The following THOC2 variants were observed in gnomAD, a reference collection of about 807,000 sequenced individuals.
THOC2 encodes the protein THO complex 2.
In THOC2, 10 loss-of-function variants were observed where a neutral mutation model predicts 128.4. The observed-to-expected ratio is 0.08, with a 90% confidence interval of 0.05 to 0.13. The LOEUF (loss-of-function observed/expected upper bound fraction) is 0.13. Ranked by LOEUF, THOC2 falls within the 10% of genes least tolerant of loss-of-function variation. The pLI is 1.00. For missense variants in THOC2, 535 were observed against 1,155.7 expected (o/e 0.46, Z 7.79); for synonymous variants, 393 against 396.9 (o/e 0.99, Z 0.12).
intron 9 of THOC2, 64 bp downstream of exon 9, chrX:123,671,605 C>T: frequency 1.4e-6 from 1 of 707,311 alleles, no homozygotes; most frequent in Non-Finnish European, 2.1e-6. Context: ...TATGTGGCTA[C>T]CTACTCCTCT....
chrX:123,723,517 G>A (rs1184634164), intron 1 of THOC2, among the ~76,000 whole-genome samples: 1 of 110,741 alleles, frequency 9.0e-6, no homozygotes, highest in African/African-American at 3.3e-5. Flanking sequence ...CCAAAAACTA[G>A]ACGCAACAAA....
At chrX:123,622,632 C>T (rs1348197199) in intron 30 of THOC2, 126 bp downstream of exon 30, 26 of 423,665 alleles carry the variant, frequency 6.1e-5, no homozygotes, top group Admixed American at 1.4e-4. Context: ...GCAGGTGGAT[C>T]GCTTGAGGCC....
Position 123,668,268 on chromosome X carries a change from A to G in THOC2, c.908T>C (p.Ile303Thr), listed in dbSNP as rs2147807063. 1.7e-6 allele frequency: 2 copies of G among 1,202,814 alleles called. No homozygotes were observed. Among genetic ancestry groups the G allele is most frequent in the South Asian group, 1.8e-5 (1 of 54,848 alleles). Residue 303 changes from isoleucine to threonine, a missense_variant, in exon 10 of 39, where the codon ATT becomes ACT. By Grantham distance (89) the Ile-to-Thr change is moderately conservative. Transcript: ENST00000245838. Reference sequence around the variant, plus strand: ...TCTAACAATTTGCTTAGCTTCCGCAATTTCTCGTTTGTGTTCATCCATAAT... The same window carrying G: ...TCTAACAATTTGCTTAGCTTCCGCAGTTTCTCGTTTGTGTTCATCCATAAT... ...NCIMDEHKRE[I>T]AEAKQIVRKL...
At chrX:123,640,073 G>C (rs2047848818) in intron 16 of THOC2, among the ~76,000 whole-genome samples, 1 of 111,656 alleles carries the variant, frequency 9.0e-6, no homozygotes, top group African/African-American at 3.3e-5. Flanking sequence ...TGTAATCCCA[G>C]CTACTTGGGA....
chrX:123,696,669 C>T (rs936832393), intron 6 of THOC2, 52 bp downstream of exon 6: 52 of 1,132,886 alleles, frequency 4.6e-5, no homozygotes, highest in Admixed American at 2.2e-4. Context: ...AAAATATGAA[C>T]GAAAAAACAT....
chrX:123,649,733 A>G (rs942033681), intron 12 of THOC2, among the ~76,000 whole-genome samples: 2 of 110,951 alleles, frequency 1.8e-5, no homozygotes, highest in Admixed American at 1.9e-4. Context: ...TAATGAAACA[A>G]AATGTGAAGA....
chrX:123,609,749 G>A (rs1239994090), intron 38 of THOC2, among the ~76,000 whole-genome samples: 2 of 111,731 alleles, frequency 1.8e-5, no homozygotes, highest in African/African-American at 3.3e-5. Context: ...AAGCAGAGTC[G>A]GCCAGGCACA....
chrX:123,646,127 C>T (rs1458486485), intron 12 of THOC2, among the ~76,000 whole-genome samples: 3 of 112,023 alleles, frequency 2.7e-5, no homozygotes, highest in Non-Finnish European at 5.6e-5. Context: ...TCTTTTAATT[C>T]ACCACTCCCA....
intron 12 of THOC2, among the ~76,000 whole-genome samples, chrX:123,650,774 T>C (rs748186403): frequency 4.1e-4 from 46 of 112,143 alleles, no homozygotes; most frequent in Non-Finnish European, 7.5e-4. Flanking sequence ...TAAATATATA[T>C]GCGCCCAATA....
intron 12 of THOC2, among the ~76,000 whole-genome samples, chrX:123,656,529 C>T (rs1003019024): frequency 7.3e-5 from 8 of 109,945 alleles, no homozygotes; most frequent in African/African-American, 2.3e-4. Context: ...GCCAACATGG[C>T]GAAACCCCGT....
rs747491206 is a variant in THOC2 at position 123,713,396 on chromosome X, A to G, written c.72-488T>C. ...AGGCTGAGGCAAGAGAATTGCTTGA[A>G]CCCAGGAGGCAGAGGTTGCAGTGAG... On this transcript the variant is annotated intron_variant, in intron 1 of 38. Transcript: ENST00000245838. Among the ~76,000 whole-genome samples, 3 of 106,443 alleles carry G rather than the reference A, an allele frequency of 2.8e-5. No individual in the cohort carries two copies. The Admixed American group carries it at 3.1e-4, about 11-fold the overall frequency. The allele number at this position is 106,443 out of a possible 115,157, so 92.4% of individuals were successfully genotyped here. A position where few individuals can be genotyped will look rare whatever the true frequency, so the allele number is the denominator to read the frequency against.
intron 38 of THOC2, chrX:123,603,726 G>A (rs750959254): frequency 7.6e-6 from 3 of 393,801 alleles, no homozygotes; most frequent in African/African-American, 5.2e-5. Flanking sequence ...GGAGACTTTC[G>A]GCTTAGGGGG....
chrX:123,609,378 T>C (rs188279607), intron 38 of THOC2, among the ~76,000 whole-genome samples: 237 of 112,025 alleles, frequency 2.1e-3, no homozygotes, highest in African/African-American at 7.1e-3. Flanking sequence ...TCTACTTACA[T>C]AGCAAGCACC....
chrX:123,653,555 A>T lies in THOC2; in HGVS notation c.1387-8180T>A, dbSNP rs1366403801. Among the ~76,000 whole-genome samples, 5 of 111,456 alleles carry T rather than the reference A, an allele frequency of 4.5e-5. No homozygotes were observed. The East Asian group carries it at 1.4e-3, about 31-fold the overall frequency. ...GGCTAATATCCAGAATCTAGAAGGAACTTAAACAAATTTACAAGAAAAAAA... is the reference window on the plus strand; with the variant it reads ...GGCTAATATCCAGAATCTAGAAGGATCTTAAACAAATTTACAAGAAAAAAA... On this transcript the variant is annotated intron_variant, in intron 12 of 38. Transcript: ENST00000245838.
At chrX:123,703,725 CAAAAAAAAAAAAA>C (rs761049104) in intron 3 of THOC2, among the ~76,000 whole-genome samples, 6 of 29,783 alleles carry the variant, frequency 2.0e-4, no homozygotes, top group African/African-American at 6.5e-4. Context: ...CCATCTCTAC[CAAAAAAAAAAAAA>C]AAAAAAAAAA....
rs1046004855 is a variant in THOC2 at position 123,699,708 on chromosome X, C to T, written c.275-1957G>A. On this transcript the variant is annotated intron_variant, in intron 4 of 38. Coordinates refer to ENST00000245838, the MANE Select transcript of THOC2 (RefSeq NM_001081550.2). ...GATTCATCCTCTTCAAGTCAAGTCT[C>T]TCCTCTCAGCCACTTAACCTGATTA... is the stretch of plus-strand genomic sequence containing the variant. Among the ~76,000 whole-genome samples, 4 of 111,827 alleles carry T rather than the reference C, an allele frequency of 3.6e-5. No individual in the cohort carries two copies. In the Admixed American group the frequency reaches 3.8e-4, roughly 11 times the overall value.
At chrX:123,674,640 T>A (rs995001556) in intron 8 of THOC2, among the ~76,000 whole-genome samples, 1 of 111,768 alleles carries the variant, frequency 8.9e-6, no homozygotes, top group Non-Finnish European at 1.9e-5. Flanking sequence ...ATTTCCTCTA[T>A]CACTGCCTTT....
intron 38 of THOC2, among the ~76,000 whole-genome samples, chrX:123,605,913 G>A (rs758368368): frequency 9.0e-6 from 1 of 111,119 alleles, no homozygotes; most frequent in South Asian, 3.9e-4. Context: ...GAGCTGAGTG[G>A]GGACTGACGG....
intron 15 of THOC2, among the ~76,000 whole-genome samples, chrX:123,642,094 G>T (rs142567011): frequency 8.9e-6 from 1 of 112,371 alleles, no homozygotes; most frequent in African/African-American, 3.2e-5. Context: ...ATACAAGGAA[G>T]ATTGTGTCTC....
Sources: allele counts gnomAD v4.1 joint callset (sites outside exome capture counted in the v4.1 genomes callset), GRCh38; gene constraint gnomAD v4.1.1; transcripts MANE v1.5; gene names NCBI Gene and HGNC (gene_info 2026-07-23, HGNC 2026-07-21).